SCAI: variants seen among roughly 807,000 people sequenced by gnomAD.
The protein encoded by SCAI is suppressor of cancer cell invasion.
In SCAI, 24 loss-of-function variants were observed where a neutral mutation model predicts 92.2. The observed-to-expected ratio is 0.26, with a 90% confidence interval of 0.19 to 0.37. SCAI has a LOEUF of 0.37. Among genes scored for constraint, SCAI ranks in the 10% least tolerant of loss-of-function variants. The pLI is 1.00. For synonymous variants in SCAI, 261 were observed against 258.6 expected, an observed-to-expected ratio of 1.01 and a Z score of -0.09; for missense variants, 450 against 736.2, an observed-to-expected ratio of 0.61 and a Z score of 4.50.
intron 2 of SCAI, among the ~76,000 whole-genome samples, chr9:125,105,672 A>G (rs1834762550): frequency 6.6e-6 from 1 of 152,214 alleles, no homozygotes. Flanking sequence ...GCTTATACAT[A>G]TTGTCTGTAT....
chr9:125,026,394 A>G lies in SCAI; in HGVS notation c.512+418T>C, dbSNP rs897644830. 1.1e-4 allele frequency among the ~76,000 whole-genome samples: 15 copies of G among 136,656 alleles called. No homozygotes were observed. The East Asian group carries it at 1.3e-3, about 12-fold the overall frequency. 89.7% of individuals were successfully genotyped at this position (136,656 alleles called of 152,430 possible). A position where few individuals can be genotyped will look rare whatever the true frequency, so the allele number is the denominator to read the frequency against. On this transcript the variant is annotated intron_variant, in intron 6 of 17. Coordinates refer to ENST00000336505, the MANE Select transcript of SCAI (RefSeq NM_001144877.3). ...GACTCCACCTCCAAAAAAAAAAAAA[A>G]AGAGAGAGAAAATTCAAACAGCATT... is the stretch of plus-strand genomic sequence containing the variant.
rs376641718 is a variant in SCAI at position 125,085,261 on chromosome 9, C to G, written c.99-29254G>C. On this transcript the variant is annotated intron_variant, in intron 2 of 17. Transcript: ENST00000336505. ...CAGCGCTTCGGGAGGTTGAGGTGGG[C>G]GGATCACCTGAGGTCAGGGGTTCGA... Among the ~76,000 whole-genome samples, 6 of 151,544 alleles carry G rather than the reference C, an allele frequency of 4.0e-5. No homozygotes were observed. The South Asian group carries it at 1.0e-3, about 26-fold the overall frequency.
chr9:125,081,960 G>A (rs1000972374), intron 2 of SCAI, among the ~76,000 whole-genome samples: 12 of 152,270 alleles, frequency 7.9e-5, no homozygotes, highest in Admixed American at 5.9e-4. Flanking sequence ...CCCATTTTCC[G>A]GGGAGACATT....
At chr9:124,973,008 A>G (rs1317906704) in intron 15 of SCAI, among the ~76,000 whole-genome samples, 2 of 152,160 alleles carry the variant, frequency 1.3e-5, no homozygotes, top group African/African-American at 4.8e-5. Flanking sequence ...TGGGGCCACA[A>G]GTGTTTGGAT....
rs1210732411 is a variant in SCAI, at chr9:124,947,709, CAAATA to C, written c.*5093_*5097del. 3.9e-5 allele frequency: 6 copies of C among 152,118 alleles called. No individual in the cohort carries two copies. The highest frequency in any genetic ancestry group is 2.1e-4 in the South Asian group (1 of 4,830). The allele number at this position is 152,118 out of a possible 1,614,324, so 9.4% of individuals were successfully genotyped here. ...TCACAAAAATATACATATGCCATTA[CAAATA>C]AAATAAGAATTTCAAATAAATAAGG... On this transcript the variant is annotated 3_prime_UTR_variant, in exon 18 of 18. Coordinates refer to ENST00000336505, the MANE Select transcript of SCAI (RefSeq NM_001144877.3).
At chr9:124,964,481 T>C (rs1831501384) in intron 17 of SCAI, among the ~76,000 whole-genome samples, 1 of 152,196 alleles carries the variant, frequency 6.6e-6, no homozygotes, top group Non-Finnish European at 1.5e-5. Context: ...CCTTTTTCTG[T>C]AATAATGATG....
chr9:125,076,858 C>G lies in SCAI; in HGVS notation c.99-20851G>C, dbSNP rs568939378. Among the ~76,000 whole-genome samples, 8 of 152,268 alleles carry G rather than the reference C, an allele frequency of 5.3e-5. No individual in the cohort carries two copies. In the East Asian group the frequency reaches 1.5e-3, roughly 29 times the overall value. On this transcript the variant is annotated intron_variant, in intron 2 of 17. Transcript: ENST00000336505. ...GGGACTACAGGCAAGTGCCATCACA[C>G]CTGGCTAATGCAAATTTTTAGTAGA...
intron 14 of SCAI, among the ~76,000 whole-genome samples, chr9:124,981,083 C>G (rs967432977): frequency 6.6e-6 from 1 of 152,236 alleles, no homozygotes; most frequent in Middle Eastern, 3.4e-3. Context: ...ACTGCCCACA[C>G]AGATGAAGTG....
At chr9:124,961,855 A>G (rs887182439) in intron 17 of SCAI, among the ~76,000 whole-genome samples, 6 of 151,626 alleles carry the variant, frequency 4.0e-5, no homozygotes, top group Non-Finnish European at 7.4e-5. Flanking sequence ...AAATTTAACT[A>G]ATAAATGTCC....
At position 125,082,110 on chromosome 9, in the gene SCAI, G is replaced by C. The variant is rs575412348; in HGVS notation, c.99-26103C>G. Reference sequence around the variant, plus strand: ...AGGCCTGGAGGTCTAGGAGAATATGGTTTTGTGGGCCAGGCCCAGGGTCGC... The same window carrying C: ...AGGCCTGGAGGTCTAGGAGAATATGCTTTTGTGGGCCAGGCCCAGGGTCGC... On this transcript the variant is annotated intron_variant, in intron 2 of 17. Transcript: ENST00000336505. Among the ~76,000 whole-genome samples the C allele has an allele frequency of 2.0e-5, 3 of 152,296 alleles. No individual in the cohort carries two copies. In the South Asian group the frequency reaches 6.2e-4, roughly 32 times the overall value.
chr9:125,067,729 C>T (rs543618833), intron 2 of SCAI, among the ~76,000 whole-genome samples: 12 of 152,272 alleles, frequency 7.9e-5, no homozygotes, highest in Non-Finnish European at 1.5e-4. Context: ...AAGTTCAACG[C>T]CCTTTCATTT....
chr9:124,997,515 C>G (rs1423249265), intron 13 of SCAI, among the ~76,000 whole-genome samples: 2 of 152,104 alleles, frequency 1.3e-5, no homozygotes, highest in East Asian at 3.8e-4. Flanking sequence ...CCAGATTGCT[C>G]TCAGCTAGAA....
intron 2 of SCAI, among the ~76,000 whole-genome samples, chr9:125,140,876 T>A (rs1259879097): frequency 6.6e-6 from 1 of 151,718 alleles, no homozygotes; most frequent in African/African-American, 2.4e-5. Context: ...AAAAAAAGTA[T>A]TTACTCCAAT....
At chr9:125,040,142 T>C (rs1034286530) in intron 3 of SCAI, among the ~76,000 whole-genome samples, 15 of 151,924 alleles carry the variant, frequency 9.9e-5, no homozygotes, top group African/African-American at 3.6e-4. Flanking sequence ...ATCACTTGAA[T>C]CCAGGAGTTC....
At chr9:125,011,205 G>C (rs1832631957) in intron 9 of SCAI, among the ~76,000 whole-genome samples, 1 of 151,602 alleles carries the variant, frequency 6.6e-6, no homozygotes, top group East Asian at 1.9e-4. Flanking sequence ...CGAGTTGAGA[G>C]AAGAAGGCTT....
chr9:125,024,916 A>G (rs1417759200), intron 6 of SCAI, among the ~76,000 whole-genome samples: 1 of 152,174 alleles, frequency 6.6e-6, no homozygotes, highest in Non-Finnish European at 1.5e-5. Context: ...ACAGACACTA[A>G]CCTTGAGGTT....
chr9:124,995,234 G>C (rs1313519248), intron 13 of SCAI, among the ~76,000 whole-genome samples: 1 of 151,698 alleles, frequency 6.6e-6, no homozygotes, highest in Non-Finnish European at 1.5e-5. Context: ...TGTTATTCAA[G>C]AATATCTAAG....
intron 2 of SCAI, among the ~76,000 whole-genome samples, chr9:125,094,793 C>T (rs564812986): frequency 2.6e-4 from 40 of 152,244 alleles, no homozygotes; most frequent in South Asian, 1.9e-3. Flanking sequence ...TAAGCCGCCA[C>T]GCCCAGCCAA....
chr9:125,026,729 T>C (rs1012263391), intron 6 of SCAI, 83 bp downstream of exon 6: 78 of 722,612 alleles, frequency 1.1e-4, no homozygotes, highest in South Asian at 3.2e-4. Context: ...GTTATAAAAA[T>C]GTATGCTTTT....
Sources: allele counts gnomAD v4.1 joint callset (sites outside exome capture counted in the v4.1 genomes callset), GRCh38; gene constraint gnomAD v4.1.1; transcripts MANE v1.5; gene names NCBI Gene and HGNC (gene_info 2026-07-23, HGNC 2026-07-21).